MGAT5B: variants seen among roughly 807,000 people sequenced by gnomAD.
The protein encoded by MGAT5B is alpha-1,6-mannosylglycoprotein 6-beta-N-acetylglucosaminyltransferase B, also known as N-acetylglucosaminyl-transferase Vb.
A neutral mutation model predicts 95.1 loss-of-function variants in MGAT5B; 54 were observed. That is an observed-to-expected ratio of 0.57 (90% CI 0.46 to 0.71). MGAT5B has a LOEUF of 0.71. Ranked by LOEUF, MGAT5B falls within the 30% of genes least tolerant of loss-of-function variation. The probability of loss-of-function intolerance (pLI) is 0.00; values close to 1 mark genes in which losing one functional copy is unlikely to be tolerated. For synonymous variants in MGAT5B, 464 were observed against 451.0 expected (o/e 1.03, Z -0.36); for missense variants, 935 against 1,088.6 (o/e 0.86, Z 1.99).
chr17:76,941,603 G>A (rs1402579229), intron 15 of MGAT5B, among the ~76,000 whole-genome samples: 1 of 152,250 alleles, frequency 6.6e-6, no homozygotes, highest in Non-Finnish European at 1.5e-5. Context: ...GCTCCCGCCT[G>A]TAATCCAGCA....
At chr17:76,874,586 T>C (rs1394082973) in intron 2 of MGAT5B, among the ~76,000 whole-genome samples, 2 of 151,830 alleles carry the variant, frequency 1.3e-5, no homozygotes, top group Non-Finnish European at 2.9e-5. Context: ...TTGAGGAAGT[T>C]GAACCTCCAG....
chr17:76,948,896 A>G lies in MGAT5B; in HGVS notation c.*58A>G. The G allele has an allele frequency of 6.7e-7, 1 of 1,495,676 alleles. No individual in the cohort carries two copies. The highest frequency in any genetic ancestry group is 9.0e-7 in the Non-Finnish European group (1 of 1,115,422). 92.7% of individuals were successfully genotyped at this position (1,495,676 alleles called of 1,614,324 possible). On this transcript the variant is annotated 3_prime_UTR_variant, in exon 18 of 18. Coordinates refer to ENST00000569840, the MANE Select transcript of MGAT5B (RefSeq NM_001199172.2). ...CTGGCTCTCTCCTGCCGCGGGAGAA[A>G]GCACCAGCAGGTTCTGAGCCCTGGC...
rs376365445 is a variant in MGAT5B at position 76,948,843 on chromosome 17, G to T, written c.*5G>T. 20 of 1,578,088 alleles carry T rather than the reference G, an allele frequency of 1.3e-5. No homozygotes were observed. In the South Asian group the frequency reaches 2.3e-4, roughly 18 times the overall value. The stretch of plus-strand genomic sequence containing the variant: ...TTGTGCCAGGGCTGTCTGTGAATCC[G>T]CCTCTGCCGCCCTGCCTGGCACCCA... On this transcript the variant is annotated 3_prime_UTR_variant, in exon 18 of 18. Coordinates refer to ENST00000569840, the MANE Select transcript of MGAT5B (RefSeq NM_001199172.2).
At chr17:76,948,353 C>T (rs1042684397) in intron 17 of MGAT5B, among the ~76,000 whole-genome samples, 1 of 152,238 alleles carries the variant, frequency 6.6e-6, no homozygotes, top group Non-Finnish European at 1.5e-5. Flanking sequence ...CCTGCCCAGC[C>T]TGTGGGCATC....
chr17:76,890,008 CTG>C (rs979904422), intron 3 of MGAT5B, among the ~76,000 whole-genome samples: 2 of 152,254 alleles, frequency 1.3e-5, no homozygotes, highest in Non-Finnish European at 2.9e-5. Context: ...CACTCCCCTA[CTG>C]TTGGCCATGC....
At chr17:76,878,528 G>A (rs1357728444) in intron 2 of MGAT5B, among the ~76,000 whole-genome samples, 1 of 152,110 alleles carries the variant, frequency 6.6e-6, no homozygotes, top group Non-Finnish European at 1.5e-5. Context: ...AGGCTGGAGT[G>A]CAGTGGTGCA....
chr17:76,898,495 ATT>A (rs1008269422), intron 3 of MGAT5B, among the ~76,000 whole-genome samples: 2 of 144,696 alleles, frequency 1.4e-5, no homozygotes, highest in Non-Finnish European at 1.5e-5. Context: ...CACCCGGCTA[ATT>A]TTTTTTTTTT....
chr17:76,905,893 C>A lies in MGAT5B; in HGVS notation c.856-125C>A. On this transcript the variant is annotated intron_variant, in intron 7 of 17. Transcript: ENST00000569840. This position sits in a 1 kb window ranked among gnomAD's most constrained non-coding sequence, Gnocchi z 4.2. ...ATCTGGTCACTCTGGTGCCGGAAAG[C>A]ACCTGCTGGGGCCCAGCCTGGAGAC... 1 of 1,065,788 alleles carries A rather than the reference C, an allele frequency of 9.4e-7. No individual in the cohort carries two copies. Among genetic ancestry groups the A allele is most frequent in the Non-Finnish European group, 1.3e-6 (1 of 754,758 alleles). The allele number at this position is 1,065,788 out of a possible 1,614,324, so 66.0% of individuals were successfully genotyped here.
intron 2 of MGAT5B, among the ~76,000 whole-genome samples, chr17:76,873,637 A>C (rs1172119800): frequency 6.6e-6 from 1 of 151,964 alleles, no homozygotes; most frequent in African/African-American, 2.4e-5. Flanking sequence ...GCCACATGGC[A>C]CAAGAGTGAC....
intron 3 of MGAT5B, among the ~76,000 whole-genome samples, chr17:76,886,567 G>A (rs1967636186): frequency 6.6e-6 from 1 of 152,234 alleles, no homozygotes; most frequent in African/African-American, 2.4e-5. Flanking sequence ...AGCCTTGAAG[G>A]AGAGACATTT....
chr17:76,894,541 T>A (rs1478392612), intron 3 of MGAT5B, among the ~76,000 whole-genome samples: 1 of 152,206 alleles, frequency 6.6e-6, no homozygotes, highest in Non-Finnish European at 1.5e-5. Flanking sequence ...GGCTTTATGA[T>A]GTCAGGTACC....
chr17:76,877,077 A>G (rs549307206), intron 2 of MGAT5B, among the ~76,000 whole-genome samples: 15 of 152,120 alleles, frequency 9.9e-5, no homozygotes, highest in Middle Eastern at 3.4e-3. Flanking sequence ...TGTAATCCCA[A>G]CACTTTGGGA....
In MGAT5B at chr17:76,917,998, G is replaced by A. The variant is rs998769906; in HGVS notation, c.1026-6968G>A. ...CCGTTCCTCTTCCTGCAGCCGTGCTGGCAGCCAGCGGGGTGAGTGTGTGGT... is the reference window on the plus strand; with the variant it reads ...CCGTTCCTCTTCCTGCAGCCGTGCTAGCAGCCAGCGGGGTGAGTGTGTGGT... On this transcript the variant is annotated intron_variant, in intron 8 of 17. Coordinates refer to ENST00000569840, the MANE Select transcript of MGAT5B (RefSeq NM_001199172.2). This position sits in a 1 kb window ranked among gnomAD's most constrained non-coding sequence, Gnocchi z 6.1. Among the ~76,000 whole-genome samples the A allele has an allele frequency of 6.6e-6, 1 of 152,100 alleles. No individual in the cohort carries two copies. Among genetic ancestry groups the A allele is most frequent in the Non-Finnish European group, 1.5e-5 (1 of 68,010 alleles).
At chr17:76,933,249 G>C in intron 11 of MGAT5B, 43 bp from the exon 12 acceptor site, 1 of 1,597,974 alleles carries the variant, frequency 6.3e-7, no homozygotes, top group Non-Finnish European at 8.5e-7. Context: ...CTAACCTGCT[G>C]TCTCTCTCTC....
chr17:76,925,139 A>G lies in MGAT5B; in HGVS notation c.1157+42A>G, dbSNP rs187544275. 7.6e-3 allele frequency: 12,249 copies of G among 1,607,940 alleles called. 66 individuals are homozygous for G. The highest frequency in any genetic ancestry group is 9.2e-3 in the Non-Finnish European group (10,864 of 1,178,064). On this transcript the variant is annotated intron_variant, in intron 9 of 17. Transcript: ENST00000569840. Reference sequence around the variant, plus strand: ...AGGGTGGGCACGTGGCCCACATGCCAGGGGAGAAAGCTCCTCCTTCACGCC... The same window carrying G: ...AGGGTGGGCACGTGGCCCACATGCCGGGGGAGAAAGCTCCTCCTTCACGCC...
chr17:76,940,267 G>A lies in MGAT5B; in HGVS notation c.1585-135G>A, dbSNP rs1456294419. On this transcript the variant is annotated intron_variant, in intron 13 of 17. Transcript: ENST00000569840. The surrounding 1 kb of genome is among the most constrained non-coding windows in gnomAD (Gnocchi z 4.3). ...CCTGTTATAGCTCACATAACAGGCT[G>A]AGCAAAAATAATCGCTCCAGGCCCA... 4 of 1,144,214 alleles carry A rather than the reference G, an allele frequency of 3.5e-6. No homozygotes were observed. The highest frequency in any genetic ancestry group is 5.5e-5 in the Admixed American group (2 of 36,322). The allele number at this position is 1,144,214 out of a possible 1,614,324, so 70.9% of individuals were successfully genotyped here.
chr17:76,934,533 A>C (rs894143431), intron 12 of MGAT5B, among the ~76,000 whole-genome samples: 4 of 152,102 alleles, frequency 2.6e-5, no homozygotes, highest in Non-Finnish European at 5.9e-5. Context: ...CTGGGAGATG[A>C]GGCTCCCCAT....
Position 76,933,313 on chromosome 17 carries a change from G to A in MGAT5B, c.1428+16G>A. On this transcript the variant is annotated intron_variant, in intron 12 of 17. Transcript: ENST00000569840. The stretch of plus-strand genomic sequence containing the variant: ...GCAGCTCCAGGTATGGAAACCGCTT[G>A]CCGCCTGCCCCCTCTACCCTCTGCT... 1 of 1,598,260 alleles carries A rather than the reference G, an allele frequency of 6.3e-7. No homozygotes were observed. Among genetic ancestry groups the A allele is most frequent in the South Asian group, 1.1e-5 (1 of 91,066 alleles).
intron 13 of MGAT5B, among the ~76,000 whole-genome samples, chr17:76,939,838 A>G (rs182857389): frequency 8.4e-6 from 1 of 119,052 alleles, no homozygotes. Flanking sequence ...CATATTGCTG[A>G]AAAGGACATG....
Sources: gnomAD v4.1 joint callset for allele counts (sites outside exome capture counted in the v4.1 genomes callset) on GRCh38, gnomAD v4.1.1 for gene constraint, Gnocchi (gnomAD v3.1) non-coding constraint, MANE v1.5 for transcripts, NCBI Gene and HGNC (gene_info 2026-07-23, HGNC 2026-07-21) for gene names.